PALM2AKAP2: variants seen among roughly 807,000 people sequenced by gnomAD.
PALM2AKAP2 encodes the protein PALM2 and AKAP2 fusion, also known as PALM2-AKAP2 fusion protein.
A neutral mutation model predicts 71.5 loss-of-function variants in PALM2AKAP2; 37 were observed. The ratio of observed to expected loss-of-function variants is 0.52; its 90% confidence interval spans 0.40 to 0.68. The LOEUF (loss-of-function observed/expected upper bound fraction) is 0.68. PALM2AKAP2 is among the 30% of genes least tolerant of loss of function. The pLI, the probability that PALM2AKAP2 is intolerant of heterozygous loss-of-function variation, is 0.00. For synonymous variants in PALM2AKAP2, 468 were observed against 478.8 expected, an observed-to-expected ratio of 0.98 and a Z score of 0.29; for missense variants, 1,224 against 1,191.8, an observed-to-expected ratio of 1.03 and a Z score of -0.40.
chr9:110,026,853 T>C (rs893172666), intron 7 of PALM2AKAP2, among the ~76,000 whole-genome samples: 1 of 151,998 alleles, frequency 6.6e-6, no homozygotes, highest in Non-Finnish European at 1.5e-5. Context: ...AGACCAGCCT[T>C]GCCAAATGGT....
At position 110,023,305 on chromosome 9, in the gene PALM2AKAP2, C is replaced by CTTTTTTTTTTTTTT. The variant is rs149672913; in HGVS notation, c.582+7279_582+7292dup. Among the ~76,000 whole-genome samples, 124 of 74,040 alleles carry CTTTTTTTTTTTTTT rather than the reference C, an allele frequency of 1.7e-3. 16 individuals are homozygous for CTTTTTTTTTTTTTT. The highest frequency in any genetic ancestry group is 4.4e-3 in the African/African-American group (72 of 16,184). 48.6% of individuals were successfully genotyped at this position (74,040 alleles called of 152,430 possible). The stretch of plus-strand genomic sequence containing the variant: ...GTGAGATGGTATCTCATTGTGGTTT[C>CTTTTTTTTTTTTTT]TTTTTTTTTTTTTTTTTTTTTTTTT... On this transcript the variant is annotated intron_variant, in intron 7 of 9. Transcript: ENST00000302798.
intron 3 of PALM2AKAP2, among the ~76,000 whole-genome samples, chr9:109,907,965 C>T (rs1315134468): frequency 2.0e-5 from 3 of 152,168 alleles, no homozygotes; most frequent in East Asian, 1.9e-4. Flanking sequence ...ATCATTCTGC[C>T]GTCCATGGCT....
rs75033281 is a variant in PALM2AKAP2 at position 110,162,151 on chromosome 9, G to A, written c.2748+5654G>A. On this transcript the variant is annotated intron_variant, in intron 3 of 3. Transcript: ENST00000374525. ...TTCCGAGGTACTTTTCAATTTGTTT[G>A]TCTTGGTCTTACTGAATGCATGATC... 49 of 1,613,668 alleles carry A rather than the reference G, an allele frequency of 3.0e-5. No individual in the cohort carries two copies. Among genetic ancestry groups the A allele is most frequent in the Non-Finnish European group, 4.0e-5 (47 of 1,179,686 alleles).
At chr9:110,030,210 G>A (rs1272019284) in intron 7 of PALM2AKAP2, among the ~76,000 whole-genome samples, 1 of 152,172 alleles carries the variant, frequency 6.6e-6, no homozygotes, top group Non-Finnish European at 1.5e-5. Context: ...GGAAGTGGGG[G>A]GAAGGGCAGT....
intron 6 of PALM2AKAP2, among the ~76,000 whole-genome samples, chr9:109,935,692 C>T (rs2132015115): frequency 6.6e-6 from 1 of 152,206 alleles, no homozygotes; most frequent in South Asian, 2.1e-4. Flanking sequence ...TTTAGAATCC[C>T]CTCATTCTCA....
chr9:110,156,389 C>A (rs766840587), exon 3 of PALM2AKAP2: 2 of 1,612,580 alleles, frequency 1.2e-6, no homozygotes, highest in Non-Finnish European at 8.5e-7. Context: ...CTGACTTAGC[C>A]CCTGAAGAGG....
At chr9:109,788,429 C>T (rs1242307620) in intron 1 of PALM2AKAP2, among the ~76,000 whole-genome samples, 4 of 152,170 alleles carry the variant, frequency 2.6e-5, no homozygotes, top group Non-Finnish European at 1.5e-5. Flanking sequence ...CAGTAATTCT[C>T]AAACGTTAGT....
At chr9:109,920,747 C>T (rs1271616679) in intron 3 of PALM2AKAP2, among the ~76,000 whole-genome samples, 2 of 151,992 alleles carry the variant, frequency 1.3e-5, no homozygotes, top group Non-Finnish European at 2.9e-5. Context: ...AGATTTAAAT[C>T]AAATCTGCTC....
At chr9:109,660,217 T>G (rs1292905160) in intron 1 of PALM2AKAP2, among the ~76,000 whole-genome samples, 1 of 152,204 alleles carries the variant, frequency 6.6e-6, no homozygotes, top group East Asian at 1.9e-4. Flanking sequence ...ATTATTATAC[T>G]TTAAGTTCTA....
In PALM2AKAP2 at chr9:110,136,231, CA is replaced by C; in HGVS notation, c.266del (p.Asn89ThrfsTer57). 6.2e-7 allele frequency: 1 copy of C among 1,614,164 alleles called. No homozygotes were observed. Among genetic ancestry groups the C allele is most frequent in the Non-Finnish European group, 8.5e-7 (1 of 1,180,016 alleles). On this transcript the variant is annotated frameshift_variant, in exon 2 of 4. Coordinates refer to ENST00000374525, the Ensembl canonical transcript of PALM2AKAP2. LOFTEE classifies it high-confidence loss of function. Reference sequence around the variant, plus strand: ...CTGCCAGCTCTCTTTCCCCAGATCACAAAAACATGGAAATTGAGGTGTCTGT... The same window carrying C: ...CTGCCAGCTCTCTTTCCCCAGATCACAAAACATGGAAATTGAGGTGTCTGT...
intron 6 of PALM2AKAP2, among the ~76,000 whole-genome samples, chr9:109,947,024 A>G (rs1831526130): frequency 6.6e-6 from 1 of 152,218 alleles, no homozygotes; most frequent in African/African-American, 2.4e-5. Flanking sequence ...TCTAAAACTG[A>G]TTTGACAGTG....
chr9:109,677,144 T>C (rs538572704), intron 1 of PALM2AKAP2, among the ~76,000 whole-genome samples: 14 of 152,198 alleles, frequency 9.2e-5, no homozygotes, highest in Non-Finnish European at 2.1e-4. Flanking sequence ...AATACATTTA[T>C]ATTTTTGAGG....
intron 1 of PALM2AKAP2, among the ~76,000 whole-genome samples, chr9:109,663,506 T>C (rs1006454446): frequency 2.0e-5 from 3 of 152,168 alleles, no homozygotes; most frequent in Non-Finnish European, 4.4e-5. Flanking sequence ...TTTGAGTGAG[T>C]TTCTTAATCC....
upstream of PALM2AKAP2, chr9:109,780,378 C>A: frequency 6.3e-7 from 1 of 1,599,852 alleles, no homozygotes; most frequent in South Asian, 1.1e-5. Context: ...CGTCCCTGGG[C>A]GTTCTCCCGG....
chr9:110,085,249 G>A (rs1237616277), intron 1 of PALM2AKAP2, among the ~76,000 whole-genome samples: 1 of 152,162 alleles, frequency 6.6e-6, no homozygotes, highest in African/African-American at 2.4e-5. Flanking sequence ...ATAAAAAATA[G>A]TAATTAAAGT....
intron 6 of PALM2AKAP2, among the ~76,000 whole-genome samples, chr9:110,014,806 GTATATATATATATATATA>G (rs34408706): frequency 0.1 from 4,159 of 41,548 alleles, 268 homozygotes; most frequent in East Asian, 0.27. Context: ...AAAAAAAAAT[GTATATATATATATATATA>G]TATATATATA....
chr9:110,143,712 GT>G (rs1233269998), intron 2 of PALM2AKAP2, among the ~76,000 whole-genome samples: 1 of 152,134 alleles, frequency 6.6e-6, no homozygotes, highest in Non-Finnish European at 1.5e-5. Context: ...GATTTGTTTG[GT>G]TTTTTGAGAG....
chr9:109,684,196 C>G lies in PALM2AKAP2; in HGVS notation c.5+43330C>G, dbSNP rs898713548. Reference sequence around the variant, plus strand: ...TCCTTTCTGATACATGGGCTCTGCCCTCCTTTCTATCAGTGGGTTCTCATG... The same window carrying G: ...TCCTTTCTGATACATGGGCTCTGCCGTCCTTTCTATCAGTGGGTTCTCATG... On this transcript the variant is annotated intron_variant, in intron 1 of 6. Transcript: ENST00000374531. Among the ~76,000 whole-genome samples, 3 of 152,312 alleles carry G rather than the reference C, an allele frequency of 2.0e-5. No individual in the cohort carries two copies. In the East Asian group the frequency reaches 5.8e-4, roughly 29 times the overall value.
At chr9:109,807,917 T>C (rs1473160737) in intron 1 of PALM2AKAP2, among the ~76,000 whole-genome samples, 2 of 152,320 alleles carry the variant, frequency 1.3e-5, no homozygotes, top group Non-Finnish European at 2.9e-5. Flanking sequence ...TAAGGGGCTT[T>C]TTCCTGTTTT....
Sources: allele counts gnomAD v4.1 joint callset (sites outside exome capture counted in the v4.1 genomes callset), GRCh38; gene constraint gnomAD v4.1.1; transcripts MANE v1.5; gene names NCBI Gene and HGNC (gene_info 2026-07-23, HGNC 2026-07-21).